LARGE1: variants seen among roughly 807,000 people sequenced by gnomAD.
LARGE1 encodes LARGE xylosyl- and glucuronyltransferase 1.
LARGE1 carries 43 observed loss-of-function variants against 87.6 expected under a neutral mutation model. That is an observed-to-expected ratio of 0.49 (90% CI 0.38 to 0.63). LARGE1 has a LOEUF of 0.63. LARGE1 is among the 30% of genes least tolerant of loss of function. LARGE1 has a pLI of 0.00. For synonymous variants in LARGE1, 434 were observed against 394.6 expected (o/e 1.10, Z -1.18); for missense variants, 802 against 1,000.2 (o/e 0.80, Z 2.67).
intron 6 of LARGE1, among the ~76,000 whole-genome samples, chr22:33,456,645 T>C (rs1346937060): frequency 6.6e-6 from 1 of 152,190 alleles, no homozygotes; most frequent in Admixed American, 6.5e-5. Context: ...ACCTTTTAGC[T>C]CCTGAGAGAT....
rs117097365 is a variant in LARGE1 at position 33,444,533 on chromosome 22, A to C, written c.788-12268T>G. Among the ~76,000 whole-genome samples the C allele has an allele frequency of 7.8e-4, 118 of 152,226 alleles. No individual in the cohort carries two copies. The East Asian group carries it at 0.02, about 25-fold the overall frequency. The stretch of plus-strand genomic sequence containing the variant: ...GAAGTGGTCAGGAAACTTAAGCACA[A>C]AATCTCTTTCTATTCTTAAGCCTGA... On this transcript the variant is annotated intron_variant, in intron 6 of 14. Transcript: ENST00000397394.
chr22:33,083,356 T>C, the LARGE1 span, among the ~76,000 whole-genome samples: 2 of 152,220 alleles, frequency 1.3e-5, no homozygotes, highest in Admixed American at 1.3e-4. Context: ...AGATAGGGAC[T>C]CCCTGCTGAT....
chr22:33,807,168 G>A (rs1310938103), intron 1 of LARGE1, among the ~76,000 whole-genome samples: 1 of 152,148 alleles, frequency 6.6e-6, no homozygotes, highest in Non-Finnish European at 1.5e-5. Context: ...CCACCTCCAA[G>A]CTATGTGACC....
At chr22:33,341,538 T>C (rs1191453791) in intron 9 of LARGE1, among the ~76,000 whole-genome samples, 5 of 152,132 alleles carry the variant, frequency 3.3e-5, no homozygotes, top group Non-Finnish European at 5.9e-5. Flanking sequence ...CAATACCCAT[T>C]GAAGTTGGCT....
At chr22:33,340,880 C>T (rs1939067011) in intron 9 of LARGE1, among the ~76,000 whole-genome samples, 1 of 151,860 alleles carries the variant, frequency 6.6e-6, no homozygotes, top group African/African-American at 2.4e-5. Context: ...TTCCCAAGCC[C>T]ACATTCTTTC....
At chr22:33,749,609 A>G (rs11912486) in intron 2 of LARGE1, among the ~76,000 whole-genome samples, 25,426 of 152,246 alleles carry the variant, frequency 0.17, 3,794 homozygotes, top group African/African-American at 0.41. Context: ...TTATCTGTTT[A>G]GGCTGTAAGC....
At chr22:33,920,537 C>A (rs1218619888), upstream of LARGE1, 3 of 145,388 alleles carry the variant, frequency 2.1e-5, no homozygotes, top group South Asian at 2.1e-4. Context: ...GCGGCGCGCT[C>A]TCCCCCAGGG....
At chr22:33,685,718 T>G (rs2081924181) in intron 2 of LARGE1, among the ~76,000 whole-genome samples, 1 of 152,228 alleles carries the variant, frequency 6.6e-6, no homozygotes, top group Admixed American at 6.5e-5. Flanking sequence ...GAGGCAGCTT[T>G]CCAAGATGCG....
At chr22:33,177,026 A>G (rs1453503621) in intron 11 of LARGE1, among the ~76,000 whole-genome samples, 2 of 152,222 alleles carry the variant, frequency 1.3e-5, no homozygotes, top group East Asian at 3.8e-4. Context: ...ATGAAGCTGG[A>G]AACTGTCATT....
chr22:33,895,366 T>C (rs2065112963), intron 1 of LARGE1, among the ~76,000 whole-genome samples: 1 of 152,194 alleles, frequency 6.6e-6, no homozygotes, highest in African/African-American at 2.4e-5. Context: ...TAGTTATCTA[T>C]TGCTGTGTAA....
chr22:33,792,373 ATGTGAAGAAGGATGTGCT>A, intron 1 of LARGE1, among the ~76,000 whole-genome samples: 1 of 152,280 alleles, frequency 6.6e-6, no homozygotes, highest in East Asian at 1.9e-4. Context: ...TGCTCCCGCC[ATGTGAAGAAGGATGTGCT>A]TGCTTCCCCT....
chr22:33,650,378 C>A lies in LARGE1; in HGVS notation c.397G>T (p.Glu133Ter), dbSNP rs1157373692. 1 of 1,614,128 alleles carries A rather than the reference C, an allele frequency of 6.2e-7. No homozygotes were observed. Among genetic ancestry groups the A allele is most frequent in the Non-Finnish European group, 8.5e-7 (1 of 1,180,044 alleles). ...SSECGQQPVV[E>*]KCETIHVAIV... ...CAGATGCCCTTTACCTCGCATTTCT[C>A]CACGACCGGCTGCTGCCCACACTCG... Residue 133 changes from glutamate to a stop codon, truncating the protein, a stop_gained, in exon 3 of 15, where the codon GAG (glutamate) becomes TAG (stop). Coordinates refer to ENST00000397394, the MANE Select transcript of LARGE1 (RefSeq NM_133642.5). LOFTEE classifies it high-confidence loss of function.
chr22:33,423,076 T>C (rs1286307322), intron 7 of LARGE1, among the ~76,000 whole-genome samples: 1 of 152,022 alleles, frequency 6.6e-6, no homozygotes, highest in Admixed American at 6.6e-5. Flanking sequence ...AGATGGTACT[T>C]CCTGTTATCT....
intron 1 of LARGE1, among the ~76,000 whole-genome samples, chr22:33,812,055 A>G (rs2086514056): frequency 6.6e-6 from 1 of 152,214 alleles, no homozygotes; most frequent in Non-Finnish European, 1.5e-5. Context: ...GTATATAACA[A>G]TGCATTAAAA....
chr22:33,653,092 C>T (rs2080867179), intron 2 of LARGE1, among the ~76,000 whole-genome samples: 1 of 152,140 alleles, frequency 6.6e-6, no homozygotes, highest in Admixed American at 6.5e-5. Flanking sequence ...TTAATAATTG[C>T]GTTTTCTCAA....
intron 2 of LARGE1, among the ~76,000 whole-genome samples, chr22:33,676,900 A>C (rs1157235000): frequency 6.6e-6 from 1 of 152,258 alleles, no homozygotes; most frequent in Non-Finnish European, 1.5e-5. Context: ...GTCAAGAAGA[A>C]GACCTCTCAG....
At chr22:33,241,580 ATATG>A (rs780327812) in intron 11 of LARGE1, among the ~76,000 whole-genome samples, 6 of 151,806 alleles carry the variant, frequency 4.0e-5, no homozygotes, top group Admixed American at 1.3e-4. Context: ...ATATGTGTGT[ATATG>A]TGTGTGTATA....
intron 1 of LARGE1, among the ~76,000 whole-genome samples, chr22:33,821,883 T>C (rs2086833619): frequency 6.7e-6 from 1 of 149,634 alleles, no homozygotes; most frequent in Non-Finnish European, 1.5e-5. Context: ...AAACTTCATG[T>C]GAAGGAAATG....
chr22:33,563,582 G>A (rs927808554), intron 6 of LARGE1, among the ~76,000 whole-genome samples: 36 of 152,122 alleles, frequency 2.4e-4, no homozygotes, highest in Admixed American at 6.6e-5. Flanking sequence ...AAAGAGCAGC[G>A]GATGGAAGCC....
Sources: gnomAD v4.1 joint callset for allele counts (sites outside exome capture counted in the v4.1 genomes callset) on GRCh38, gnomAD v4.1.1 for gene constraint, MANE v1.5 for transcripts, NCBI Gene and HGNC (gene_info 2026-07-23, HGNC 2026-07-21) for gene names.